Variants in HNF1B observed in about 807,000 individuals in gnomAD.
HNF1B encodes HNF1 homeobox B.
A neutral mutation model predicts 61.7 loss-of-function variants in HNF1B; 8 were observed. The ratio of observed to expected loss-of-function variants is 0.13; its 90% confidence interval spans 0.08 to 0.23. The LOEUF (loss-of-function observed/expected upper bound fraction) is 0.23. HNF1B is among the 10% of genes least tolerant of loss of function. The probability of loss-of-function intolerance (pLI) is 1.00; values close to 1 mark genes in which losing one functional copy is unlikely to be tolerated. For synonymous variants in HNF1B, 314 were observed against 287.7 expected (o/e 1.09, Z -0.93); for missense variants, 562 against 714.5 (o/e 0.79, Z 2.43).
chr17:37,720,971 C>T lies in HNF1B; in HGVS notation c.1046-10308G>A, dbSNP rs1424130237. On this transcript the variant is annotated intron_variant, in intron 4 of 8. Transcript: ENST00000617811. ...TTGAGATAAATTAAGCACTTTTGTG[C>T]CCATCGTGCAAACTGATGTTACACA... 3 of 984,434 alleles carry T rather than the reference C, an allele frequency of 3.0e-6. No individual in the cohort carries two copies. In the African/African-American group the frequency reaches 5.2e-5, roughly 17 times the overall value. 61.0% of individuals were successfully genotyped at this position (984,434 alleles called of 1,614,324 possible). A position where few individuals can be genotyped will look rare whatever the true frequency, so the allele number is the denominator to read the frequency against.
intron 4 of HNF1B, among the ~76,000 whole-genome samples, chr17:37,720,513 A>T (rs959770867): frequency 7.9e-5 from 12 of 151,862 alleles, no homozygotes; most frequent in African/African-American, 2.9e-4. Flanking sequence ...ATATACATAT[A>T]TATATAATTA....
chr17:37,737,131 T>A (rs1160788703), intron 2 of HNF1B, among the ~76,000 whole-genome samples: 1 of 152,344 alleles, frequency 6.6e-6, no homozygotes, highest in African/African-American at 2.4e-5. Flanking sequence ...GTATCATTTT[T>A]TATTCTCTCC....
At chr17:37,722,389 T>C (rs2033345886) in intron 4 of HNF1B, among the ~76,000 whole-genome samples, 1 of 152,196 alleles carries the variant, frequency 6.6e-6, no homozygotes, top group African/African-American at 2.4e-5. Flanking sequence ...GGGATAGGTA[T>C]TGGGACAGAG....
In HNF1B at chr17:37,710,615, G is replaced by A. The variant is rs2053155161; in HGVS notation, c.1094C>T (p.Thr365Ile). 1.2e-6 allele frequency: 2 copies of A among 1,613,940 alleles called. No homozygotes were observed. Among genetic ancestry groups the A allele is most frequent in the Admixed American group, 1.7e-5 (1 of 60,000 alleles). ...QGNNEITSSS[T>I]ISHHGNSAMV... ...GGCGCTGTTGCCATGGTGACTGATT[G>A]TTGAGGAGGAAGTGATCTCATTGTT... is the stretch of plus-strand genomic sequence containing the variant. The change falls in exon 5 of 9, where the codon ACA becomes ATA. Residue 365 changes from threonine to isoleucine, a missense_variant. Thr to Ile is a moderately conservative substitution (Grantham distance 89). Coordinates refer to ENST00000617811, the MANE Select transcript of HNF1B (RefSeq NM_000458.4).
intron 8 of HNF1B, among the ~76,000 whole-genome samples, chr17:37,691,879 C>G (rs1296048028): frequency 6.6e-6 from 1 of 152,148 alleles, no homozygotes; most frequent in Non-Finnish European, 1.5e-5. Flanking sequence ...CCACCTGCCC[C>G]CTTGTCAGTG....
chr17:37,698,628 C>T (rs1339126811), intron 8 of HNF1B, among the ~76,000 whole-genome samples: 1 of 152,178 alleles, frequency 6.6e-6, no homozygotes, highest in African/African-American at 2.4e-5. Context: ...GGGAATCAGC[C>T]TCAGGACCTC....
rs1486722789 is a variant in HNF1B at position 37,710,734 on chromosome 17, CTT to C, written c.1046-73_1046-72del. On this transcript the variant is annotated intron_variant, in intron 4 of 8. Coordinates refer to ENST00000617811, the MANE Select transcript of HNF1B (RefSeq NM_000458.4). ...GTCCTGGAACAATGACTCGGCACCTCTTGTTTTCAAGGGTGGGTAATAAGAAA... is the reference window on the plus strand; with the variant it reads ...GTCCTGGAACAATGACTCGGCACCTCGTTTTCAAGGGTGGGTAATAAGAAA... 67 of 1,483,742 alleles carry C rather than the reference CTT, an allele frequency of 4.5e-5. No homozygotes were observed. In the East Asian group the frequency reaches 7.3e-4, roughly 16 times the overall value. 91.9% of individuals were successfully genotyped at this position (1,483,742 alleles called of 1,614,324 possible).
intron 1 of HNF1B, among the ~76,000 whole-genome samples, chr17:37,743,116 G>A (rs958041940): frequency 2.0e-5 from 3 of 152,218 alleles, no homozygotes; most frequent in Non-Finnish European, 4.4e-5. Context: ...GGGCGCCCCA[G>A]GTCCTTCCAG....
At position 37,701,480 on chromosome 17, in the gene HNF1B, A is replaced by T. The variant is rs112298654; in HGVS notation, c.1340-303T>A. Among the ~76,000 whole-genome samples, 1,634 of 152,266 alleles carry T rather than the reference A, an allele frequency of 0.011. 38 individuals carry two copies. The highest frequency in any genetic ancestry group is 0.037 in the African/African-American group (1,528 of 41,542). ...TCTCTTGAGGTTACCAGGGCTTTGGAAAAGCTGGCTCTACCTGCCCACTCC... is the reference window on the plus strand; with the variant it reads ...TCTCTTGAGGTTACCAGGGCTTTGGTAAAGCTGGCTCTACCTGCCCACTCC... On this transcript the variant is annotated intron_variant, in intron 6 of 8. Coordinates refer to ENST00000617811, the MANE Select transcript of HNF1B (RefSeq NM_000458.4).
intron 5 of HNF1B, among the ~76,000 whole-genome samples, chr17:37,709,781 C>T (rs897747101): frequency 2.6e-5 from 4 of 152,080 alleles, no homozygotes; most frequent in African/African-American, 7.2e-5. Flanking sequence ...CGCTCATGCC[C>T]CCACCAAGTC....
At chr17:37,720,716 A>G in intron 4 of HNF1B, 4 of 880,624 alleles carry the variant, frequency 4.5e-6, no homozygotes, top group Non-Finnish European at 4.1e-6. Flanking sequence ...GGCTGGAGAC[A>G]CAATGATGAA....
chr17:37,691,780 G>A (rs367980186), intron 8 of HNF1B, among the ~76,000 whole-genome samples: 3 of 152,286 alleles, frequency 2.0e-5, no homozygotes, highest in East Asian at 1.9e-4. Context: ...CTCCCAGGTC[G>A]ATGCTCCCAA....
Position 37,686,508 on chromosome 17 carries a change from C to T in HNF1B, c.*864G>A, listed in dbSNP as rs2031973158. ...TCTTCTGCTATCAAACAGCCAGTTT[C>T]CCTGCCCTGGGGTTTCTTAGGGAGT... On this transcript the variant is annotated 3_prime_UTR_variant, in exon 9 of 9. Transcript: ENST00000617811. 6.6e-6 allele frequency: 1 copy of T among 152,192 alleles called. No individual in the cohort carries two copies. Among genetic ancestry groups the T allele is most frequent in the Non-Finnish European group, 1.5e-5 (1 of 68,050 alleles). 9.4% of individuals were successfully genotyped at this position (152,192 alleles called of 1,614,324 possible). A position where few individuals can be genotyped will look rare whatever the true frequency, so the allele number is the denominator to read the frequency against.
intron 1 of HNF1B, among the ~76,000 whole-genome samples, 184 bp downstream of exon 1, chr17:37,744,357 G>A (rs2034099556): frequency 6.6e-6 from 1 of 152,248 alleles, no homozygotes; most frequent in African/African-American, 2.4e-5. Flanking sequence ...CCGGTGGGCC[G>A]CAGGGTCGTC....
chr17:37,742,894 C>G (rs1289635608), intron 1 of HNF1B, among the ~76,000 whole-genome samples: 3 of 151,404 alleles, frequency 2.0e-5, no homozygotes, highest in Non-Finnish European at 4.4e-5. Context: ...CGAGCAGCCC[C>G]GCGCCCGCGT....
rs2147598106 is a variant in HNF1B at position 37,744,485 on chromosome 17, C to T, written c.344+56G>A. 6 of 1,571,060 alleles carry T rather than the reference C, an allele frequency of 3.8e-6. No individual in the cohort carries two copies. The Middle Eastern group carries it at 5.5e-4, about 143-fold the overall frequency. On this transcript the variant is annotated intron_variant, in intron 1 of 8. Coordinates refer to ENST00000617811, the MANE Select transcript of HNF1B (RefSeq NM_000458.4). ...GGTCGGGCGCAGTGTCACTCAGGCCCGGGGCCGGGGCTCCAGGGGTTCGGG... is the reference window on the plus strand; with the variant it reads ...GGTCGGGCGCAGTGTCACTCAGGCCTGGGGCCGGGGCTCCAGGGGTTCGGG...
chr17:37,701,496 T>A (rs2032569963), intron 6 of HNF1B, among the ~76,000 whole-genome samples: 1 of 152,222 alleles, frequency 6.6e-6, no homozygotes, highest in Admixed American at 6.5e-5. Context: ...TGGCTCTACC[T>A]GCCCACTCCA....
At position 37,704,941 on chromosome 17, in the gene HNF1B, A is replaced by AGAGGG; in HGVS notation, c.1310_1314dup (p.Ser439ProfsTer68). 1 of 1,614,032 alleles carries AGAGGG rather than the reference A, an allele frequency of 6.2e-7. No individual in the cohort carries two copies. The highest frequency in any genetic ancestry group is 1.1e-5 in the South Asian group (1 of 91,076). ...CTTTGTGCAATTGCCATGACTCCAG[A>AGAGGG]GAGGGGTGTCATGATGAGGTTTTGA... On this transcript the variant is annotated frameshift_variant, in exon 6 of 9. Coordinates refer to ENST00000617811, the MANE Select transcript of HNF1B (RefSeq NM_000458.4). LOFTEE classifies it high-confidence loss of function.
intron 4 of HNF1B, among the ~76,000 whole-genome samples, chr17:37,719,946 A>T (rs571394808): frequency 6.6e-6 from 1 of 152,246 alleles, no homozygotes; most frequent in South Asian, 2.1e-4. Flanking sequence ...CCTCTTCATC[A>T]CTGTCACAGA....
Sources: gnomAD v4.1 joint callset for allele counts (sites outside exome capture counted in the v4.1 genomes callset) on GRCh38, gnomAD v4.1.1 for gene constraint, MANE v1.5 for transcripts, NCBI Gene and HGNC (gene_info 2026-07-23, HGNC 2026-07-21) for gene names.